TFEC: variants seen among roughly 807,000 people sequenced by gnomAD.
The protein encoded by TFEC is class E basic helix-loop-helix protein 34.
In TFEC, 31 loss-of-function variants were observed where a neutral mutation model predicts 41.6. That is an observed-to-expected ratio of 0.74 (90% CI 0.56 to 1.01). The LOEUF (loss-of-function observed/expected upper bound fraction) is 1.01, where lower values mean the gene tolerates loss of function less well. Ranked by LOEUF, TFEC falls within the 50% of genes least tolerant of loss-of-function variation. The pLI, the probability that TFEC is intolerant of heterozygous loss-of-function variation, is 0.00. For missense variants in TFEC, 402 were observed against 404.1 expected, an observed-to-expected ratio of 0.99 and a Z score of 0.04; for synonymous variants, 143 against 140.6, an observed-to-expected ratio of 1.02 and a Z score of -0.12.
At chr7:115,987,234 A>C (rs1200579184) in intron 1 of TFEC, among the ~76,000 whole-genome samples, 2 of 152,242 alleles carry the variant, frequency 1.3e-5, no homozygotes, top group Admixed American at 1.3e-4. Context: ...AACTTGGTGT[A>C]GCATGGAAAG....
At chr7:116,058,031 AAATT>A in intron 3 of TFEC, among the ~76,000 whole-genome samples, 1 of 151,814 alleles carries the variant, frequency 6.6e-6, no homozygotes, top group East Asian at 1.9e-4. Flanking sequence ...AAACCTACTC[AAATT>A]AATAATCACA....
chr7:115,961,285 C>A (rs1034021018), intron 3 of TFEC, among the ~76,000 whole-genome samples: 1 of 151,436 alleles, frequency 6.6e-6, no homozygotes, highest in East Asian at 1.9e-4. Context: ...AGAGTGATTG[C>A]CAAAATATTT....
In TFEC at chr7:115,939,096, G is replaced by C. The variant is rs1793363784; in HGVS notation, c.*1455C>G. On this transcript the variant is annotated 3_prime_UTR_variant, in exon 8 of 8. Transcript: ENST00000265440. Reference sequence around the variant, plus strand: ...TCATTTTCATTTTCTCTGACCTTCTGTATTTACAGTTTATGCTTAGATTTT... The same window carrying C: ...TCATTTTCATTTTCTCTGACCTTCTCTATTTACAGTTTATGCTTAGATTTT... 6.6e-6 allele frequency: 1 copy of C among 151,892 alleles called. No individual in the cohort carries two copies. The highest frequency in any genetic ancestry group is 6.6e-5 in the Admixed American group (1 of 15,228). 9.4% of individuals were successfully genotyped at this position (151,892 alleles called of 1,614,324 possible).
chr7:115,961,268 A>G (rs1792532739), intron 3 of TFEC, among the ~76,000 whole-genome samples: 1 of 151,674 alleles, frequency 6.6e-6, no homozygotes, highest in African/African-American at 2.4e-5. Context: ...CCCTCAACAC[A>G]TTTCATAGAG....
chr7:115,938,385 T>C lies in TFEC; in HGVS notation c.*2166A>G, dbSNP rs1459556828. 1 of 151,950 alleles carries C rather than the reference T, an allele frequency of 6.6e-6. No homozygotes were observed. The highest frequency in any genetic ancestry group is 1.5e-5 in the Non-Finnish European group (1 of 67,904). 9.4% of individuals were successfully genotyped at this position (151,950 alleles called of 1,614,324 possible). The stretch of plus-strand genomic sequence containing the variant: ...TATCAACTCAGATAATGAAGTGGAA[T>C]TTTGTTATAAAATTAAAAGTATGTA... On this transcript the variant is annotated 3_prime_UTR_variant, in exon 8 of 8. Coordinates refer to ENST00000265440, the MANE Select transcript of TFEC (RefSeq NM_012252.4).
intron 5 of TFEC, 94 bp downstream of exon 5, chr7:115,954,492 T>C: frequency 1.0e-6 from 1 of 998,242 alleles, no homozygotes; most frequent in African/African-American, 1.7e-5. Context: ...CCATCTGACA[T>C]GAAAATACTT....
At position 116,036,372 on chromosome 7, in the gene TFEC, A is replaced by T. The variant is rs181469726; in HGVS notation, c.199-51859T>A. Among the ~76,000 whole-genome samples, 5 of 152,192 alleles carry T rather than the reference A, an allele frequency of 3.3e-5. No individual in the cohort carries two copies. The East Asian group carries it at 9.7e-4, about 29-fold the overall frequency. On this transcript the variant is annotated intron_variant, in intron 3 of 8. Coordinates refer to the TFEC transcript ENST00000484212. ...CCAGGCACATGCTTCCCAAGTTGCA[A>T]ATGGGCAAAGTAGTTCATATCATGC...
At chr7:116,091,021 A>G (rs1279986255) in intron 3 of TFEC, among the ~76,000 whole-genome samples, 1 of 151,998 alleles carries the variant, frequency 6.6e-6, no homozygotes, top group Non-Finnish European at 1.5e-5. Context: ...TGTAGATGAC[A>G]GGTTGATGGG....
chr7:115,984,736 G>GT (rs927220616), intron 1 of TFEC, among the ~76,000 whole-genome samples: 1 of 151,960 alleles, frequency 6.6e-6, no homozygotes, highest in South Asian at 2.1e-4. Flanking sequence ...ATGCTAACCA[G>GT]TTTTTTTAAA....
At chr7:116,055,689 T>A (rs909289472) in intron 3 of TFEC, among the ~76,000 whole-genome samples, 16 of 152,030 alleles carry the variant, frequency 1.1e-4, no homozygotes, top group Admixed American at 3.9e-4. Context: ...ATATATATCA[T>A]CTCAATGATT....
chr7:116,090,604 G>C (rs138240980), intron 3 of TFEC, among the ~76,000 whole-genome samples: 1 of 151,970 alleles, frequency 6.6e-6, no homozygotes, highest in Admixed American at 6.6e-5. Flanking sequence ...ATGAGGTCCC[G>C]TCACTTAGGT....
chr7:116,095,035 G>A (rs1262003681), intron 3 of TFEC, among the ~76,000 whole-genome samples: 2 of 152,178 alleles, frequency 1.3e-5, no homozygotes, highest in Non-Finnish European at 2.9e-5. Flanking sequence ...TGAGGATGTT[G>A]TTGGTTATTT....
chr7:116,126,354 G>T (rs1798208325), intron 1 of TFEC, among the ~76,000 whole-genome samples: 1 of 152,094 alleles, frequency 6.6e-6, no homozygotes, highest in African/African-American at 2.4e-5. Flanking sequence ...GGAAATAAAA[G>T]AAGGGAAAAA....
intron 1 of TFEC, among the ~76,000 whole-genome samples, chr7:115,993,647 C>T (rs1057446286): frequency 2.0e-5 from 3 of 152,196 alleles, no homozygotes; most frequent in African/African-American, 7.2e-5. Flanking sequence ...ATCCAACTTA[C>T]AAGTGTTGCG....
intron 1 of TFEC, among the ~76,000 whole-genome samples, chr7:116,020,976 C>T (rs988017206): frequency 6.6e-6 from 1 of 152,154 alleles, no homozygotes; most frequent in Non-Finnish European, 1.5e-5. Flanking sequence ...GTGCTTACAA[C>T]AGACAATAAC....
intron 1 of TFEC, among the ~76,000 whole-genome samples, chr7:116,138,215 A>G (rs897630742): frequency 3.9e-5 from 6 of 152,236 alleles, no homozygotes; most frequent in African/African-American, 1.4e-4. Flanking sequence ...TATATTTATA[A>G]TGAATTCAAA....
intron 1 of TFEC, among the ~76,000 whole-genome samples, chr7:116,143,592 T>C (rs1047846479): frequency 6.6e-6 from 1 of 152,190 alleles, no homozygotes; most frequent in East Asian, 1.9e-4. Flanking sequence ...AGAAACTGAA[T>C]AGATGTCTTT....
intron 3 of TFEC, among the ~76,000 whole-genome samples, chr7:116,080,035 C>T (rs1009375682): frequency 6.6e-6 from 1 of 152,058 alleles, no homozygotes; most frequent in Non-Finnish European, 1.5e-5. Flanking sequence ...CAAATACTTA[C>T]AACCAACTGA....
intron 1 of TFEC, among the ~76,000 whole-genome samples, chr7:116,133,207 C>T (rs1381876277): frequency 1.3e-5 from 2 of 152,030 alleles, no homozygotes; most frequent in Non-Finnish European, 2.9e-5. Flanking sequence ...TTCTCGGCAA[C>T]AAAACTACAA....
Sources: gnomAD v4.1 joint callset for allele counts (sites outside exome capture counted in the v4.1 genomes callset) on GRCh38, gnomAD v4.1.1 for gene constraint, MANE v1.5 for transcripts, NCBI Gene and HGNC (gene_info 2026-07-23, HGNC 2026-07-21) for gene names.